FARP1: variants seen among roughly 807,000 people sequenced by gnomAD.
FARP1 encodes the protein FERM, ARH/RhoGEF and pleckstrin domain protein 1.
Under a neutral mutation model 128.8 loss-of-function variants are expected in FARP1, and 52 were observed. The ratio of observed to expected loss-of-function variants is 0.40; its 90% CI spans 0.32 to 0.51. The LOEUF (loss-of-function observed/expected upper bound fraction) is 0.51, where lower values mean the gene tolerates loss of function less well. Ranked by LOEUF, FARP1 falls within the 20% of genes least tolerant of loss-of-function variation. The pLI is 0.45. For synonymous variants in FARP1, 580 were observed against 551.8 expected, an observed-to-expected ratio of 1.05 and a Z score of -0.72; for missense variants, 1,333 against 1,367.9, an observed-to-expected ratio of 0.97 and a Z score of 0.40.
At chr13:98,145,122 ATTG>A (rs1218067173) in intron 1 of FARP1, among the ~76,000 whole-genome samples, 2 of 152,144 alleles carry the variant, frequency 1.3e-5, no homozygotes, top group Admixed American at 6.5e-5. Flanking sequence ...TACTGAGGGA[ATTG>A]TTGGTGGAGA....
chr13:98,267,690 G>T (rs1329254428), intron 2 of FARP1, among the ~76,000 whole-genome samples: 1 of 152,224 alleles, frequency 6.6e-6, no homozygotes, highest in Non-Finnish European at 1.5e-5. Context: ...TCCAGACAGT[G>T]TATGTCCCCT....
chr13:98,317,838 T>C (rs1886789772), intron 2 of FARP1, among the ~76,000 whole-genome samples: 1 of 152,174 alleles, frequency 6.6e-6, no homozygotes, highest in Non-Finnish European at 1.5e-5. Flanking sequence ...TGTCCTTTCA[T>C]GGCAGAGAGA....
chr13:98,233,831 C>G (rs1882277276), intron 2 of FARP1: 1 of 152,206 alleles, frequency 6.6e-6, no homozygotes, highest in African/African-American at 2.4e-5. Flanking sequence ...CTCGGATTTT[C>G]CCCTGAAAGA....
intron 1 of FARP1, among the ~76,000 whole-genome samples, chr13:98,148,942 G>A (rs1482426267): frequency 2.0e-5 from 3 of 151,586 alleles, no homozygotes; most frequent in African/African-American, 7.3e-5. Flanking sequence ...GCTGGAGTGC[G>A]GTGGCATGAT....
intron 2 of FARP1, among the ~76,000 whole-genome samples, chr13:98,316,124 G>T (rs1886708331): frequency 6.6e-6 from 1 of 152,120 alleles, no homozygotes; most frequent in Non-Finnish European, 1.5e-5. Context: ...TTGACTGCAG[G>T]CTGCTCTCAT....
chr13:98,287,800 C>CTTTTTT (rs35204639), intron 2 of FARP1, among the ~76,000 whole-genome samples: 1 of 116,698 alleles, frequency 8.6e-6, no homozygotes, highest in African/African-American at 3.5e-5. Flanking sequence ...CCAGGCACTT[C>CTTTTTT]TTTTTTTTTT....
chr13:98,301,580 C>T (rs577423609), intron 2 of FARP1, among the ~76,000 whole-genome samples: 3 of 152,190 alleles, frequency 2.0e-5, no homozygotes, highest in Non-Finnish European at 4.4e-5. Context: ...ATTCCTGGGA[C>T]TTGGATTGTT....
chr13:98,430,950 C>T (rs1891987431), intron 17 of FARP1, 93 bp from the exon 18 acceptor site: 2 of 732,628 alleles, frequency 2.7e-6, no homozygotes, highest in Non-Finnish European at 4.8e-6. Flanking sequence ...ATAGAGAGTG[C>T]AGGAGCGCTT....
chr13:98,162,053 T>C (rs1876925606), intron 1 of FARP1, among the ~76,000 whole-genome samples: 1 of 152,230 alleles, frequency 6.6e-6, no homozygotes, highest in Non-Finnish European at 1.5e-5. Context: ...GTGCTGGGAT[T>C]ACAGGCCAGC....
At chr13:98,204,816 T>G (rs1480006278) in intron 1 of FARP1, among the ~76,000 whole-genome samples, 1 of 152,076 alleles carries the variant, frequency 6.6e-6, no homozygotes, top group African/African-American at 2.4e-5. Flanking sequence ...GTGGTGGTGG[T>G]GCATATTTGC....
At chr13:98,415,592 G>A (rs906574023) in intron 16 of FARP1, among the ~76,000 whole-genome samples, 1 of 152,214 alleles carries the variant, frequency 6.6e-6, no homozygotes, top group African/African-American at 2.4e-5. Flanking sequence ...ATCCAGGGTG[G>A]TCATGGAGCG....
At chr13:98,260,149 C>A (rs1249876838) in intron 2 of FARP1, among the ~76,000 whole-genome samples, 2 of 152,076 alleles carry the variant, frequency 1.3e-5, no homozygotes, top group African/African-American at 2.4e-5. Flanking sequence ...TAAAAAAGCA[C>A]ACACACACGC....
At chr13:98,193,292 G>A (rs1223802319) in intron 1 of FARP1, among the ~76,000 whole-genome samples, 4 of 152,066 alleles carry the variant, frequency 2.6e-5, no homozygotes, top group Non-Finnish European at 4.4e-5. Flanking sequence ...TCCTGACCTC[G>A]TGATCCACCC....
intron 1 of FARP1, among the ~76,000 whole-genome samples, chr13:98,148,183 A>G (rs2139078612): frequency 6.6e-6 from 1 of 152,328 alleles, no homozygotes; most frequent in African/African-American, 2.4e-5. Context: ...GTTCAAGACC[A>G]GCCTGACCAA....
At chr13:98,146,116 C>T (rs1187610504) in intron 1 of FARP1, among the ~76,000 whole-genome samples, 1 of 152,054 alleles carries the variant, frequency 6.6e-6, no homozygotes, top group East Asian at 1.9e-4. Context: ...TTAGAGAATA[C>T]TAGAGAAAGG....
chr13:98,435,519 G>A (rs1233256295), intron 18 of FARP1, 57 bp from the exon 19 acceptor site: 9 of 1,555,918 alleles, frequency 5.8e-6, no homozygotes, highest in Non-Finnish European at 7.0e-6. Flanking sequence ...ACAGCTGCTA[G>A]GGGAAGACCC....
chr13:98,446,406 C>T (rs1892838211), intron 25 of FARP1: 9 of 602,052 alleles, frequency 1.5e-5, no homozygotes, highest in South Asian at 1.2e-4. Context: ...TGAAGGACAA[C>T]TTCTGCCCTA....
intron 13 of FARP1, chr13:98,396,382 G>A (rs1335480304): frequency 1.3e-5 from 5 of 399,266 alleles, no homozygotes; most frequent in East Asian, 7.1e-5. Context: ...TGGTAACCCC[G>A]CAGTGCTGCG....
intron 2 of FARP1, among the ~76,000 whole-genome samples, chr13:98,320,502 C>G (rs1221719671): frequency 2.6e-5 from 4 of 152,154 alleles, no homozygotes; most frequent in Non-Finnish European, 4.4e-5. Flanking sequence ...CTCCTTTAAC[C>G]TCTTTATCCC....
Sources: allele counts gnomAD v4.1 joint callset (sites outside exome capture counted in the v4.1 genomes callset), GRCh38; gene constraint gnomAD v4.1.1; transcripts MANE v1.5; gene names NCBI Gene and HGNC (gene_info 2026-07-23, HGNC 2026-07-21).